The following ANKFN1 variants were observed in gnomAD, a reference collection of about 807,000 sequenced individuals.
ANKFN1 encodes the protein ankyrin repeat and fibronectin type-III domain-containing protein 1.
Under a neutral mutation model 108.7 loss-of-function variants are expected in ANKFN1, and 74 were observed. The ratio of observed to expected loss-of-function variants is 0.68; its 90% CI spans 0.56 to 0.83. The LOEUF is 0.83. Among genes scored for constraint, ANKFN1 ranks in the 40% least tolerant of loss-of-function variants. ANKFN1 has a pLI of 0.00. For synonymous variants in ANKFN1, 547 were observed against 516.2 expected, an observed-to-expected ratio of 1.06 and a Z score of -0.81; for missense variants, 1,505 against 1,382.3, an observed-to-expected ratio of 1.09 and a Z score of -1.41.
intron 3 of ANKFN1, among the ~76,000 whole-genome samples, chr17:56,263,343 A>G (rs1212038283): frequency 1.3e-5 from 2 of 152,212 alleles, no homozygotes; most frequent in Non-Finnish European, 2.9e-5. Flanking sequence ...ATGGGACTAG[A>G]GAGTGGTGGT....
intron 8 of ANKFN1, among the ~76,000 whole-genome samples, chr17:56,422,632 T>A (rs2048447830): frequency 6.6e-6 from 1 of 151,522 alleles, no homozygotes; most frequent in African/African-American, 2.4e-5. Flanking sequence ...TCCTCATTAC[T>A]TTTTTTTTAT....
intron 4 of ANKFN1, among the ~76,000 whole-genome samples, chr17:56,332,497 A>G (rs1395712048): frequency 6.6e-6 from 1 of 152,088 alleles, no homozygotes; most frequent in Non-Finnish European, 1.5e-5. Flanking sequence ...GGGTTTTTAC[A>G]TTTTTCAGTA....
At chr17:56,132,766 A>T (rs1480223426) in intron 4 of ANKFN1, among the ~76,000 whole-genome samples, 8 of 152,054 alleles carry the variant, frequency 5.3e-5, no homozygotes, top group Admixed American at 5.2e-4. Context: ...CCATGTCCTC[A>T]CATGGTGGAA....
chr17:56,427,863 GT>G (rs1166913989), intron 8 of ANKFN1, among the ~76,000 whole-genome samples: 1 of 151,608 alleles, frequency 6.6e-6, no homozygotes, highest in Non-Finnish European at 1.5e-5. Context: ...TTATTTAAAA[GT>G]TTTGAGTCTC....
intron 3 of ANKFN1, among the ~76,000 whole-genome samples, chr17:56,251,073 A>G (rs2043223598): frequency 1.3e-5 from 2 of 152,308 alleles, no homozygotes; most frequent in Admixed American, 6.5e-5. Flanking sequence ...GCATAAAATA[A>G]TGTTTCAGCT....
At chr17:56,301,365 C>T (rs536087770) in intron 3 of ANKFN1, among the ~76,000 whole-genome samples, 1 of 152,330 alleles carries the variant, frequency 6.6e-6, no homozygotes, top group South Asian at 2.1e-4. Flanking sequence ...CAGAGTCTTA[C>T]ATTGTGTGAC....
intron 2 of ANKFN1, among the ~76,000 whole-genome samples, chr17:56,217,777 A>G (rs1028625585): frequency 6.6e-6 from 1 of 152,196 alleles, no homozygotes; most frequent in African/African-American, 2.4e-5. Flanking sequence ...TCAGCATACT[A>G]TGTTTAAAAA....
At chr17:56,371,979 A>T (rs942788212) in intron 6 of ANKFN1, among the ~76,000 whole-genome samples, 1 of 152,220 alleles carries the variant, frequency 6.6e-6, no homozygotes, top group Non-Finnish European at 1.5e-5. Context: ...TCCTACCATT[A>T]CACCACAATC....
chr17:56,055,145 G>T lies in ANKFN1; in HGVS notation c.288+8820G>T, dbSNP rs147571309. 4.0e-4 allele frequency among the ~76,000 whole-genome samples: 60 copies of T among 151,798 alleles called. No individual in the cohort carries two copies. In the East Asian group the frequency reaches 0.011, roughly 28 times the overall value. ...TATATTGCATACTGGTGGGGATTTG[G>T]CTTCTAATGTACCCATTACCCAAAT... is the stretch of plus-strand genomic sequence containing the variant. On this transcript the variant is annotated intron_variant, in intron 4 of 12. Transcript: ENST00000635860.
intron 6 of ANKFN1, among the ~76,000 whole-genome samples, chr17:56,362,393 A>G (rs1206611538): frequency 6.6e-6 from 1 of 152,222 alleles, no homozygotes; most frequent in Non-Finnish European, 1.5e-5. Flanking sequence ...CATTTGAAAT[A>G]TATCGATGCC....
intron 18 of ANKFN1, among the ~76,000 whole-genome samples, chr17:56,487,659 C>A (rs1367781899): frequency 6.6e-6 from 1 of 152,126 alleles, no homozygotes; most frequent in Non-Finnish European, 1.5e-5. Flanking sequence ...CACCATCTGC[C>A]CATCACAAGC....
At chr17:56,064,637 C>G (rs1461953918) in intron 4 of ANKFN1, among the ~76,000 whole-genome samples, 1 of 152,214 alleles carries the variant, frequency 6.6e-6, no homozygotes, top group Non-Finnish European at 1.5e-5. Flanking sequence ...CACCTTTCCC[C>G]CACCCAGGCA....
intron 8 of ANKFN1, among the ~76,000 whole-genome samples, chr17:56,400,886 T>C (rs1000678830): frequency 6.6e-6 from 1 of 152,136 alleles, no homozygotes; most frequent in Admixed American, 6.6e-5. Context: ...TTGTCAAAAA[T>C]CGGTTGGCTG....
chr17:56,253,541 C>T (rs934687970), intron 3 of ANKFN1, among the ~76,000 whole-genome samples: 3 of 152,056 alleles, frequency 2.0e-5, no homozygotes, highest in African/African-American at 7.2e-5. Context: ...AGTTTGAGAC[C>T]AACCTGGCCA....
At chr17:56,380,518 T>C (rs1365676413) in intron 8 of ANKFN1, among the ~76,000 whole-genome samples, 3 of 152,128 alleles carry the variant, frequency 2.0e-5, no homozygotes, top group African/African-American at 4.8e-5. Flanking sequence ...AGTCAGGGAG[T>C]TCCCCTTCCT....
At chr17:56,241,504 G>A (rs1200049340) in intron 3 of ANKFN1, among the ~76,000 whole-genome samples, 2 of 151,982 alleles carry the variant, frequency 1.3e-5, no homozygotes, top group African/African-American at 2.4e-5. Context: ...TGTTCAAATA[G>A]TCTATTGATC....
At chr17:56,176,486 C>A (rs534534604) in intron 1 of ANKFN1, among the ~76,000 whole-genome samples, 2 of 152,256 alleles carry the variant, frequency 1.3e-5, no homozygotes, top group Admixed American at 6.5e-5. Flanking sequence ...AGGTTGGAAC[C>A]CATTCAATGC....
At chr17:56,051,273 T>A in intron 4 of ANKFN1, among the ~76,000 whole-genome samples, 1 of 70,454 alleles carries the variant, frequency 1.4e-5, no homozygotes, top group Admixed American at 1.8e-4. Flanking sequence ...TATACGCAAA[T>A]CAATAAATGT....
chr17:56,085,894 C>A (rs1905307513), intron 4 of ANKFN1, among the ~76,000 whole-genome samples: 1 of 151,272 alleles, frequency 6.6e-6, no homozygotes, highest in Admixed American at 6.6e-5. Flanking sequence ...CGATTAAATT[C>A]TTCTCTTTGC....
Sources: allele counts gnomAD v4.1 joint callset (sites outside exome capture counted in the v4.1 genomes callset), GRCh38; gene constraint gnomAD v4.1.1; transcripts MANE v1.5; gene names NCBI Gene and HGNC (gene_info 2026-07-23, HGNC 2026-07-21).